DLGAP1: variants seen among roughly 807,000 people sequenced by gnomAD.
DLGAP1 encodes DLG associated protein 1, also known as disks large-associated protein 1.
A neutral mutation model predicts 90.8 loss-of-function variants in DLGAP1; 11 were observed. That is an observed-to-expected ratio of 0.12 (90% CI 0.08 to 0.20). The LOEUF is 0.20. DLGAP1 is among the 10% of genes least tolerant of loss of function. DLGAP1 has a pLI of 1.00. For synonymous variants in DLGAP1, 558 were observed against 540.7 expected, an observed-to-expected ratio of 1.03 and a Z score of -0.44; for missense variants, 1,050 against 1,333.8, an observed-to-expected ratio of 0.79 and a Z score of 3.31.
chr18:3,933,045 G>T (rs952822177), intron 3 of DLGAP1, among the ~76,000 whole-genome samples: 1 of 152,164 alleles, frequency 6.6e-6, no homozygotes, highest in African/African-American at 2.4e-5. Flanking sequence ...CAGATTCCAT[G>T]GGGAAACTTT....
chr18:3,674,296 A>AAAAAAAAAATATATATATATATAT (rs755076240), intron 7 of DLGAP1, among the ~76,000 whole-genome samples: 1 of 128,992 alleles, frequency 7.8e-6, no homozygotes, highest in African/African-American at 3.2e-5. Context: ...ATAATATTAA[A>AAAAAAAAAATATATATATATATAT]ATATATATAT....
chr18:3,841,276 G>A (rs1302486056), intron 4 of DLGAP1, among the ~76,000 whole-genome samples: 1 of 152,160 alleles, frequency 6.6e-6, no homozygotes, highest in Non-Finnish European at 1.5e-5. Context: ...GTAAGGCCCA[G>A]CTACTTTCTC....
At chr18:4,274,620 G>A (rs1023436399) in intron 1 of DLGAP1, among the ~76,000 whole-genome samples, 1 of 152,164 alleles carries the variant, frequency 6.6e-6, no homozygotes, top group African/African-American at 2.4e-5. Context: ...CAGGTAGATA[G>A]GCACTACACA....
At chr18:3,501,480 G>A (rs1032854176) in intron 12 of DLGAP1, among the ~76,000 whole-genome samples, 4 of 152,142 alleles carry the variant, frequency 2.6e-5, no homozygotes, top group East Asian at 1.9e-4. Context: ...AATTGGAAAC[G>A]GGGGACAGTG....
At chr18:3,875,852 C>T (rs547374398) in intron 4 of DLGAP1, among the ~76,000 whole-genome samples, 1 of 152,124 alleles carries the variant, frequency 6.6e-6, no homozygotes, top group Non-Finnish European at 1.5e-5. Flanking sequence ...GGAAGGAGGT[C>T]CAGAGAGCTG....
chr18:4,300,866 G>A (rs140216197), intron 1 of DLGAP1, among the ~76,000 whole-genome samples: 2 of 152,136 alleles, frequency 1.3e-5, no homozygotes, highest in Non-Finnish European at 2.9e-5. Context: ...TATTTCCAAT[G>A]TTAGGGTTGT....
intron 7 of DLGAP1, among the ~76,000 whole-genome samples, chr18:3,685,650 G>A (rs2060678939): frequency 6.7e-6 from 1 of 149,500 alleles, no homozygotes; most frequent in African/African-American, 2.5e-5. Context: ...ATCTCACTGT[G>A]TTGACCAGGC....
chr18:4,149,201 G>A (rs2076633089), intron 2 of DLGAP1, among the ~76,000 whole-genome samples: 1 of 152,040 alleles, frequency 6.6e-6, no homozygotes, highest in African/African-American at 2.4e-5. Context: ...TCATACTTTG[G>A]ATCTCATATA....
At position 3,666,321 on chromosome 18, in the gene DLGAP1, T is replaced by C. The variant is rs147212711; in HGVS notation, c.1591+62814A>G. On this transcript the variant is annotated intron_variant, in intron 7 of 12. Coordinates refer to ENST00000315677, the MANE Select transcript of DLGAP1 (RefSeq NM_004746.4). ...ATGCAGGAAGCTTTCAAAGAAAGGA[T>C]TTTTAAACATATTTTTTCCTTGGCG... Among the ~76,000 whole-genome samples, 385 of 152,300 alleles carry C rather than the reference T, an allele frequency of 2.5e-3. 2 individuals carry two copies. The highest frequency in any genetic ancestry group is 8.9e-3 in the African/African-American group (368 of 41,568).
intron 3 of DLGAP1, among the ~76,000 whole-genome samples, chr18:3,959,421 C>A (rs2073148155): frequency 6.6e-6 from 1 of 152,034 alleles, no homozygotes; most frequent in Non-Finnish European, 1.5e-5. Flanking sequence ...AATCCCAGCA[C>A]TTTGGAAGGC....
rs531814981 is a variant in DLGAP1 at position 3,501,024 on chromosome 18, C to T, written c.2724+1469G>A. ...AAACTCTCCGAGTTCAAGCAATCCT[C>T]CCACCTCAGCCTCCCAAGTAGCTGG... On this transcript the variant is annotated intron_variant, in intron 12 of 12. Coordinates refer to ENST00000315677, the MANE Select transcript of DLGAP1 (RefSeq NM_004746.4). Among the ~76,000 whole-genome samples, 237 of 152,168 alleles carry T rather than the reference C, an allele frequency of 1.6e-3. 1 individual carries two copies. The highest frequency in any genetic ancestry group is 6.8e-3 in the Middle Eastern group (2 of 294).
intron 2 of DLGAP1, among the ~76,000 whole-genome samples, chr18:4,068,983 T>C (rs1351678944): frequency 2.6e-5 from 4 of 152,176 alleles, no homozygotes; most frequent in African/African-American, 7.2e-5. Flanking sequence ...AGGCTTACTT[T>C]AGTATTTTGC....
At chr18:4,210,180 T>A (rs1252045654) in intron 1 of DLGAP1, among the ~76,000 whole-genome samples, 1 of 152,182 alleles carries the variant, frequency 6.6e-6, no homozygotes, top group African/African-American at 2.4e-5. Context: ...ATTGTCTGAG[T>A]CCTTCCCTGG....
intron 1 of DLGAP1, among the ~76,000 whole-genome samples, chr18:4,431,874 C>T (rs889757443): frequency 4.6e-5 from 7 of 152,126 alleles, no homozygotes; most frequent in African/African-American, 1.4e-4. Context: ...CCATTTTCTT[C>T]GAGATAACTT....
At chr18:4,125,140 AGTAC>A (rs2076213035) in intron 2 of DLGAP1, among the ~76,000 whole-genome samples, 1 of 152,358 alleles carries the variant, frequency 6.6e-6, no homozygotes, top group East Asian at 1.9e-4. Context: ...TAAAAAGCAC[AGTAC>A]CAGGCATTAT....
intron 3 of DLGAP1, among the ~76,000 whole-genome samples, chr18:3,998,581 C>T (rs1165189332): frequency 2.0e-5 from 3 of 152,086 alleles, no homozygotes; most frequent in African/African-American, 7.2e-5. Flanking sequence ...GAGCACGTTC[C>T]ATCTTTTCAG....
chr18:4,159,964 C>T (rs1209460453), intron 1 of DLGAP1, among the ~76,000 whole-genome samples: 1 of 152,238 alleles, frequency 6.6e-6, no homozygotes, highest in African/African-American at 2.4e-5. Flanking sequence ...CTGCCTCCCA[C>T]ACCAACTCAC....
At chr18:4,080,075 G>C (rs1228749689) in intron 2 of DLGAP1, among the ~76,000 whole-genome samples, 1 of 152,192 alleles carries the variant, frequency 6.6e-6, no homozygotes, top group Non-Finnish European at 1.5e-5. Flanking sequence ...CATCTAGCTT[G>C]ATGACGTCTA....
intron 4 of DLGAP1, among the ~76,000 whole-genome samples, chr18:3,826,199 C>A (rs2067703315): frequency 6.6e-6 from 1 of 152,066 alleles, no homozygotes; most frequent in Non-Finnish European, 1.5e-5. Flanking sequence ...ATGATGAGTT[C>A]AATAGAAGCC....
Sources: allele counts gnomAD v4.1 joint callset (sites outside exome capture counted in the v4.1 genomes callset), GRCh38; gene constraint gnomAD v4.1.1; transcripts MANE v1.5; gene names NCBI Gene and HGNC (gene_info 2026-07-23, HGNC 2026-07-21).